The following ZNF804B variants were observed in gnomAD, a reference collection of about 807,000 sequenced individuals.
The protein encoded by ZNF804B is zinc finger 804B.
A neutral mutation model predicts 101.4 loss-of-function variants in ZNF804B; 80 were observed. That is an observed-to-expected ratio of 0.79 (90% confidence interval 0.66 to 0.95). The LOEUF is 0.95. Ranked by LOEUF, ZNF804B falls within the 40% of genes least tolerant of loss-of-function variation. The pLI is 0.00. For missense variants in ZNF804B, 1,673 were observed against 1,561.9 expected (o/e 1.07, Z -1.20); for synonymous variants, 622 against 558.8 (o/e 1.11, Z -1.59).
intron 1 of ZNF804B, among the ~76,000 whole-genome samples, chr7:89,003,598 A>G (rs952635292): frequency 3.3e-5 from 5 of 151,990 alleles, no homozygotes; most frequent in Non-Finnish European, 4.4e-5. Flanking sequence ...AACTCTTTCA[A>G]TTTATTGATG....
chr7:89,336,480 G>T lies in ZNF804B; in HGVS notation c.3498G>T (p.Gln1166His), dbSNP rs1292068409. 6.2e-7 allele frequency: 1 copy of T among 1,613,894 alleles called. No homozygotes were observed. Among genetic ancestry groups the T allele is most frequent in the Admixed American group, 1.7e-5 (1 of 59,934 alleles). Residue 1166 changes from glutamine (Q) to histidine (H), a missense_variant, in exon 4 of 4, where the codon CAG becomes CAT. Transcript: ENST00000333190. ...DKYKILQLQA[Q>H]QHMQKQLLSK... Reference sequence around the variant, plus strand: ...ATAAGATCCTACAGCTACAAGCCCAGCAGCATATGCAGAAGCAACTCCTAT... The same window carrying T: ...ATAAGATCCTACAGCTACAAGCCCATCAGCATATGCAGAAGCAACTCCTAT...
Position 89,207,325 on chromosome 7 carries a change from A to G in ZNF804B, c.109-10830A>G, listed in dbSNP as rs116245180. 2.0e-3 allele frequency among the ~76,000 whole-genome samples: 312 copies of G among 152,318 alleles called. 2 individuals are homozygous for G. Among genetic ancestry groups the G allele is most frequent in the African/African-American group, 7.1e-3 (296 of 41,572 alleles). On this transcript the variant is annotated intron_variant, in intron 1 of 3. Coordinates refer to ENST00000333190, the MANE Select transcript of ZNF804B (RefSeq NM_181646.5). Reference sequence around the variant, plus strand: ...ACATGGCTGGGGAGGCCTCACAATCATGACAGGAGGTTAATGAGGAGCAAG... The same window carrying G: ...ACATGGCTGGGGAGGCCTCACAATCGTGACAGGAGGTTAATGAGGAGCAAG...
chr7:89,129,282 T>G (rs2116377086), intron 1 of ZNF804B, among the ~76,000 whole-genome samples: 1 of 152,204 alleles, frequency 6.6e-6, no homozygotes, highest in East Asian at 1.9e-4. Flanking sequence ...TAAAGTGATA[T>G]TATTGTTTTG....
At chr7:89,227,764 C>T (rs1789117869) in intron 2 of ZNF804B, among the ~76,000 whole-genome samples, 1 of 152,074 alleles carries the variant, frequency 6.6e-6, no homozygotes. Flanking sequence ...GGAAATAGGG[C>T]CATTTAGTGT....
At chr7:89,309,488 A>T (rs1337877033) in intron 2 of ZNF804B, among the ~76,000 whole-genome samples, 2 of 152,078 alleles carry the variant, frequency 1.3e-5, no homozygotes, top group African/African-American at 2.4e-5. Flanking sequence ...GAGGCCAGGC[A>T]TGGTGGCTCA....
intron 1 of ZNF804B, among the ~76,000 whole-genome samples, chr7:89,176,761 T>G (rs543685167): frequency 6.6e-6 from 1 of 151,894 alleles, no homozygotes; most frequent in East Asian, 1.9e-4. Flanking sequence ...TGAAGTTATA[T>G]GATCCCAAGT....
intron 1 of ZNF804B, among the ~76,000 whole-genome samples, chr7:88,837,990 T>A (rs1256556397): frequency 2.0e-5 from 3 of 151,778 alleles, no homozygotes; most frequent in African/African-American, 7.2e-5. Context: ...GTATTTTAAT[T>A]TTTCAACTTT....
intron 1 of ZNF804B, among the ~76,000 whole-genome samples, chr7:89,015,443 G>A (rs1410759774): frequency 3.3e-5 from 5 of 151,574 alleles, no homozygotes; most frequent in South Asian, 4.2e-4. Flanking sequence ...CCATTAACTC[G>A]TCATTTAGCA....
At chr7:89,225,059 C>A (rs1338105054) in intron 2 of ZNF804B, among the ~76,000 whole-genome samples, 2 of 152,054 alleles carry the variant, frequency 1.3e-5, no homozygotes, top group African/African-American at 4.8e-5. Flanking sequence ...TTCTATCTGA[C>A]CTTCAGTGTT....
chr7:88,959,327 T>C (rs377103586), intron 1 of ZNF804B, among the ~76,000 whole-genome samples: 2 of 151,422 alleles, frequency 1.3e-5, no homozygotes, highest in East Asian at 3.9e-4. Context: ...AAGTATTAGT[T>C]AAATAAATAT....
At chr7:88,876,554 T>C (rs1410212695) in intron 1 of ZNF804B, among the ~76,000 whole-genome samples, 1 of 152,174 alleles carries the variant, frequency 6.6e-6, no homozygotes. Flanking sequence ...ACTTTTCTTA[T>C]CTATCAATGA....
chr7:88,857,345 A>G (rs878887148), intron 1 of ZNF804B, among the ~76,000 whole-genome samples: 1 of 152,220 alleles, frequency 6.6e-6, no homozygotes, highest in Non-Finnish European at 1.5e-5. Context: ...GAAAAGCTCA[A>G]CGAAATTGAT....
intron 1 of ZNF804B, among the ~76,000 whole-genome samples, chr7:88,764,119 A>T (rs938150554): frequency 6.6e-5 from 10 of 152,164 alleles, no homozygotes; most frequent in Admixed American, 4.6e-4. Context: ...CTTGACTTTT[A>T]GTTATGTGAT....
At chr7:88,974,711 A>C (rs541739986) in intron 1 of ZNF804B, among the ~76,000 whole-genome samples, 15 of 151,356 alleles carry the variant, frequency 9.9e-5, no homozygotes, top group Non-Finnish European at 1.5e-4. Context: ...AGATATTTTC[A>C]TACAGGCATA....
At chr7:89,061,463 T>C (rs1471158747) in intron 1 of ZNF804B, among the ~76,000 whole-genome samples, 1 of 151,988 alleles carries the variant, frequency 6.6e-6, no homozygotes, top group Non-Finnish European at 1.5e-5. Context: ...AAGCTTATGT[T>C]CAAAATTTCA....
At chr7:88,869,988 T>C (rs1452657838) in intron 1 of ZNF804B, among the ~76,000 whole-genome samples, 1 of 152,064 alleles carries the variant, frequency 6.6e-6, no homozygotes, top group South Asian at 2.1e-4. Context: ...AAATATACAA[T>C]TATAAAATAG....
At chr7:88,765,842 G>A (rs1386888744) in intron 1 of ZNF804B, among the ~76,000 whole-genome samples, 1 of 152,152 alleles carries the variant, frequency 6.6e-6, no homozygotes, top group East Asian at 1.9e-4. Flanking sequence ...TGTAGTTATA[G>A]TGATAATAGT....
At chr7:89,021,834 G>T (rs909458248) in intron 1 of ZNF804B, among the ~76,000 whole-genome samples, 4 of 152,192 alleles carry the variant, frequency 2.6e-5, no homozygotes, top group African/African-American at 9.6e-5. Flanking sequence ...AGTAGGTCCA[G>T]TCTTAAGATT....
chr7:89,338,017 G>A lies in ZNF804B; in HGVS notation c.*985G>A, dbSNP rs994639360. Among the ~76,000 whole-genome samples the A allele has an allele frequency of 2.2e-4, 33 of 151,980 alleles. No homozygotes were observed. The highest frequency in any genetic ancestry group is 7.2e-4 in the African/African-American group (30 of 41,410). ...TTATTCAATTGTACTAGATATTTAT[G>A]AAACAATGAATAATGATGAATAAAT... On this transcript the variant is annotated 3_prime_UTR_variant, in exon 4 of 4. Transcript: ENST00000333190.
Sources: allele counts gnomAD v4.1 joint callset (sites outside exome capture counted in the v4.1 genomes callset), GRCh38; gene constraint gnomAD v4.1.1; transcripts MANE v1.5; gene names NCBI Gene and HGNC (gene_info 2026-07-23, HGNC 2026-07-21).